CSMD3: variants seen among roughly 807,000 people sequenced by gnomAD.
CSMD3 encodes CUB and sushi domain-containing protein 3.
CSMD3 carries 177 observed loss-of-function variants against 435.2 expected under a neutral mutation model. That is an observed-to-expected ratio of 0.41 (90% CI 0.36 to 0.46). The LOEUF (loss-of-function observed/expected upper bound fraction) is 0.46. Ranked by LOEUF, CSMD3 falls within the 20% of genes least tolerant of loss-of-function variation. The pLI, the probability that CSMD3 is intolerant of heterozygous loss-of-function variation, is 0.34. For missense variants in CSMD3, 4,265 were observed against 4,504.6 expected (o/e 0.95, Z 1.52); for synonymous variants, 1,656 against 1,520.5 (o/e 1.09, Z -2.07).
rs556497903 is a variant in CSMD3, at chr8:113,327,739, G to A, written c.179-12946C>T. ...TGGCCTGACATGGAGATTTCTCCAT[G>A]GTTAGAGCCCTATCCCCAGCTCATT... On this transcript the variant is annotated intron_variant, in intron 1 of 70. Transcript: ENST00000297405. Among the ~76,000 whole-genome samples the A allele has an allele frequency of 1.1e-3, 164 of 151,764 alleles. 1 individual carries two copies. The highest frequency in any genetic ancestry group is 1.9e-3 in the Non-Finnish European group (130 of 67,968).
At chr8:112,991,900 A>G (rs1366226001) in intron 6 of CSMD3, among the ~76,000 whole-genome samples, 2 of 151,852 alleles carry the variant, frequency 1.3e-5, no homozygotes, top group Non-Finnish European at 2.9e-5. Flanking sequence ...CACCTCTTAG[A>G]TGAGCTGTAT....
intron 2 of CSMD3, among the ~76,000 whole-genome samples, chr8:113,290,956 T>C (rs865774288): frequency 6.6e-5 from 10 of 151,468 alleles, no homozygotes; most frequent in Non-Finnish European, 1.5e-5. Context: ...TACCCATTTA[T>C]ATAATAAATA....
chr8:113,396,741 C>T (rs1475869065), intron 1 of CSMD3, among the ~76,000 whole-genome samples: 1 of 152,098 alleles, frequency 6.6e-6, no homozygotes, highest in Non-Finnish European at 1.5e-5. Flanking sequence ...ACAGAAGATT[C>T]CTGTAACTGT....
chr8:113,360,609 T>C (rs1177333652), intron 1 of CSMD3, among the ~76,000 whole-genome samples: 1 of 145,820 alleles, frequency 6.9e-6, no homozygotes, highest in African/African-American at 2.6e-5. Context: ...AGTCTCGCTC[T>C]GTCGCCCAGG....
intron 13 of CSMD3, among the ~76,000 whole-genome samples, chr8:112,730,409 T>C (rs1300418179): frequency 6.6e-6 from 1 of 152,122 alleles, no homozygotes; most frequent in African/African-American, 2.4e-5. Context: ...GCTAGCATGA[T>C]GGAAAATAGT....
chr8:113,213,055 T>C (rs563106059), intron 3 of CSMD3, among the ~76,000 whole-genome samples: 2 of 152,014 alleles, frequency 1.3e-5, no homozygotes, highest in East Asian at 1.9e-4. Flanking sequence ...ATATATCCCA[T>C]AGATTTATAC....
intron 32 of CSMD3, among the ~76,000 whole-genome samples, chr8:112,456,606 G>A (rs1369631442): frequency 6.6e-6 from 1 of 151,972 alleles, no homozygotes; most frequent in Non-Finnish European, 1.5e-5. Context: ...ACAAAATATT[G>A]AAAAGCTATA....
intron 31 of CSMD3, among the ~76,000 whole-genome samples, chr8:112,490,100 C>T (rs561762504): frequency 1.2e-3 from 176 of 152,208 alleles, no homozygotes; most frequent in Admixed American, 3.9e-3. Flanking sequence ...TGGAACTCTG[C>T]GTTGGAAATC....
At chr8:112,895,672 A>C (rs753727402) in intron 10 of CSMD3, among the ~76,000 whole-genome samples, 3 of 151,388 alleles carry the variant, frequency 2.0e-5, no homozygotes, top group Non-Finnish European at 4.4e-5. Context: ...TTTTTCCCGA[A>C]ATATTTCAAG....
At chr8:112,437,834 A>T (rs997376355) in intron 32 of CSMD3, among the ~76,000 whole-genome samples, 2 of 152,180 alleles carry the variant, frequency 1.3e-5, no homozygotes, top group Non-Finnish European at 2.9e-5. Context: ...GTATGGCTAC[A>T]TGAAAGCCCA....
At chr8:112,389,027 C>G (rs2129688322) in intron 36 of CSMD3, among the ~76,000 whole-genome samples, 1 of 152,124 alleles carries the variant, frequency 6.6e-6, no homozygotes, top group Admixed American at 6.5e-5. Context: ...AAAAAATAGT[C>G]TATTAGGAGT....
At chr8:112,926,659 C>A (rs1237555818) in intron 9 of CSMD3, among the ~76,000 whole-genome samples, 1 of 151,944 alleles carries the variant, frequency 6.6e-6, no homozygotes, top group African/African-American at 2.4e-5. Context: ...TCAAAATACA[C>A]AAATTTTACC....
At chr8:113,188,244 T>C (rs1300905692) in intron 3 of CSMD3, among the ~76,000 whole-genome samples, 1 of 152,058 alleles carries the variant, frequency 6.6e-6, no homozygotes, top group Non-Finnish European at 1.5e-5. Context: ...GTCTATTCAA[T>C]TGACTTGTGA....
At chr8:113,228,855 G>T (rs925006953) in intron 3 of CSMD3, among the ~76,000 whole-genome samples, 3 of 151,566 alleles carry the variant, frequency 2.0e-5, no homozygotes, top group Non-Finnish European at 4.4e-5. Context: ...TGAGGCTGTA[G>T]AAATAACTGA....
chr8:112,274,266 G>A (rs1817818200), intron 59 of CSMD3, among the ~76,000 whole-genome samples: 1 of 151,958 alleles, frequency 6.6e-6, no homozygotes, highest in South Asian at 2.1e-4. Context: ...TGGACATTAG[G>A]CAACAAAGCA....
intron 24 of CSMD3, among the ~76,000 whole-genome samples, chr8:112,560,123 C>CA (rs2131243340): frequency 6.6e-6 from 1 of 151,850 alleles, no homozygotes; most frequent in Admixed American, 6.6e-5. Context: ...TAGATTGTCA[C>CA]AACATACATA....
intron 24 of CSMD3, among the ~76,000 whole-genome samples, chr8:112,565,223 C>T (rs1828967386): frequency 6.6e-6 from 1 of 152,048 alleles, no homozygotes; most frequent in African/African-American, 2.4e-5. Flanking sequence ...TAAGAAATGT[C>T]AAATGTATCT....
At chr8:112,342,973 ATATATATATATATTTATATATATATATT>A (rs1160236358) in intron 41 of CSMD3, among the ~76,000 whole-genome samples, 6 of 63,314 alleles carry the variant, frequency 9.5e-5, no homozygotes, top group Admixed American at 7.1e-4. Context: ...GAAATGTATT[ATATATATATATATTTATATATATATATT>A]TATATATATA....
At chr8:112,670,135 T>A (rs1263552281) in intron 16 of CSMD3, among the ~76,000 whole-genome samples, 1 of 151,966 alleles carries the variant, frequency 6.6e-6, no homozygotes, top group Non-Finnish European at 1.5e-5. Context: ...AATTTGAAGA[T>A]TAAACAGGAT....
Sources: gnomAD v4.1 joint callset for allele counts (sites outside exome capture counted in the v4.1 genomes callset) on GRCh38, gnomAD v4.1.1 for gene constraint, MANE v1.5 for transcripts, NCBI Gene and HGNC (gene_info 2026-07-23, HGNC 2026-07-21) for gene names.